The following FYN variants were observed in gnomAD, a reference collection of about 807,000 sequenced individuals.
FYN encodes the protein FYN proto-oncogene, Src family tyrosine kinase, also known as tyrosine-protein kinase Fyn.
In FYN, 10 loss-of-function variants were observed where a neutral mutation model predicts 70.2. That is an observed-to-expected ratio of 0.14 (90% CI 0.09 to 0.24). The LOEUF (loss-of-function observed/expected upper bound fraction) is 0.24. Among genes scored for constraint, FYN ranks in the 10% least tolerant of loss-of-function variants. The pLI, the probability that FYN is intolerant of heterozygous loss-of-function variation, is 1.00. For missense variants in FYN, 319 were observed against 673.1 expected (o/e 0.47, Z 5.82); for synonymous variants, 236 against 248.6 (o/e 0.95, Z 0.48).
chr6:111,840,398 G>A (rs1773321423), intron 2 of FYN, among the ~76,000 whole-genome samples: 1 of 152,180 alleles, frequency 6.6e-6, no homozygotes, highest in African/African-American at 2.4e-5. Context: ...AGACTGGAGT[G>A]ATGTGGCCAC....
chr6:111,738,096 G>A (rs1801786770), intron 3 of FYN, among the ~76,000 whole-genome samples: 1 of 152,154 alleles, frequency 6.6e-6, no homozygotes. Flanking sequence ...GCTACTGGCA[G>A]AATTTTCAGT....
chr6:111,764,161 A>T (rs992104048), intron 3 of FYN, among the ~76,000 whole-genome samples: 6 of 130,230 alleles, frequency 4.6e-5, no homozygotes, highest in African/African-American at 2.3e-4. Flanking sequence ...AATTTTCCAT[A>T]AAAAAAAATG....
chr6:111,678,973 T>TC (rs1010695677), intron 12 of FYN, among the ~76,000 whole-genome samples: 8 of 152,084 alleles, frequency 5.3e-5, no homozygotes, highest in African/African-American at 1.7e-4. Flanking sequence ...GCTCAGCATG[T>TC]CCCCCCCTGG....
intron 9 of FYN, among the ~76,000 whole-genome samples, chr6:111,698,295 G>C (rs541406213): frequency 1.3e-5 from 2 of 152,000 alleles, no homozygotes; most frequent in Non-Finnish European, 2.9e-5. Flanking sequence ...CACCATGCCC[G>C]GCTAATTTTG....
In FYN at chr6:111,845,029, C is replaced by T. The variant is rs1414322475; in HGVS notation, c.-82+1560G>A. 4 of 152,342 alleles carry T rather than the reference C, an allele frequency of 2.6e-5. No individual in the cohort carries two copies. In the East Asian group the frequency reaches 7.7e-4, roughly 29 times the overall value. The allele number at this position is 152,342 out of a possible 1,614,324, so 9.4% of individuals were successfully genotyped here. ...GAAGCAAAATTGAACACATTCCATT[C>T]AGTGCCCCCCACACCCCACTAACTG... On this transcript the variant is annotated intron_variant, in intron 2 of 13. Coordinates refer to ENST00000354650, the MANE Select transcript of FYN (RefSeq NM_002037.5).
In FYN at chr6:111,703,055, T is replaced by C. The variant is rs199617444; in HGVS notation, c.548-21A>G. On this transcript the variant is annotated intron_variant, in intron 7 of 13. Coordinates refer to ENST00000354650, the MANE Select transcript of FYN (RefSeq NM_002037.5). ...GGCACCTGGTAAACGTGGAAAGCAT[T>C]AGCAGCTCCAATCATTTAGAGTATC... The C allele has an allele frequency of 1.6e-5, 25 of 1,610,674 alleles. No homozygotes were observed. In the South Asian group the frequency reaches 2.5e-4, roughly 16 times the overall value.
At chr6:111,730,240 AAGG>A (rs1801387331) in intron 3 of FYN, among the ~76,000 whole-genome samples, 1 of 152,220 alleles carries the variant, frequency 6.6e-6, no homozygotes, top group Non-Finnish European at 1.5e-5. Flanking sequence ...ATATCTAATT[AAGG>A]GCACGAAAAA....
At chr6:111,771,935 G>A (rs959478680) in intron 3 of FYN, among the ~76,000 whole-genome samples, 1 of 152,004 alleles carries the variant, frequency 6.6e-6, no homozygotes, top group South Asian at 2.1e-4. Context: ...TAGTAGTGGG[G>A]GCAGGGATGG....
chr6:111,842,295 C>T lies in FYN; in HGVS notation c.-82+4294G>A, dbSNP rs78713217. Among the ~76,000 whole-genome samples, 1,032 of 152,234 alleles carry T rather than the reference C, an allele frequency of 6.8e-3. 19 individuals are homozygous for T. Among genetic ancestry groups the T allele is most frequent in the African/African-American group, 0.023 (964 of 41,524 alleles). On this transcript the variant is annotated intron_variant, in intron 2 of 13. Coordinates refer to ENST00000354650, the MANE Select transcript of FYN (RefSeq NM_002037.5). ...CAGGGAGGGCCTGAGGAACAATTCC[C>T]GTCTGCACATAGGAACTGCCCTGTC...
chr6:111,698,553 GTATTAA>G (rs1216613164), intron 9 of FYN, among the ~76,000 whole-genome samples: 2 of 152,140 alleles, frequency 1.3e-5, no homozygotes, highest in Admixed American at 1.3e-4. Context: ...GATTCCATAA[GTATTAA>G]TATTGTTTTA....
intron 1 of FYN, among the ~76,000 whole-genome samples, chr6:111,851,480 A>C (rs1049391650): frequency 2.0e-5 from 3 of 152,198 alleles, no homozygotes; most frequent in Non-Finnish European, 4.4e-5. Context: ...AGAGGCAACC[A>C]AAAGGGGAAG....
At chr6:111,773,649 GA>G (rs1284454887) in intron 3 of FYN, among the ~76,000 whole-genome samples, 3 of 134,290 alleles carry the variant, frequency 2.2e-5, no homozygotes, top group Admixed American at 1.5e-4. Context: ...GGGGGAGGGA[GA>G]GGGGAAGAGG....
rs1051232202 is a variant in FYN, at chr6:111,741,265, T to C, written c.-11-21203A>G. Among the ~76,000 whole-genome samples the C allele has an allele frequency of 4.6e-5, 7 of 152,148 alleles. No individual in the cohort carries two copies. In the East Asian group the frequency reaches 9.6e-4, roughly 21 times the overall value. On this transcript the variant is annotated intron_variant, in intron 3 of 13. Coordinates refer to ENST00000354650, the MANE Select transcript of FYN (RefSeq NM_002037.5). ...CTTGTTTATTATCTACCTCCACTCA[T>C]GAGAAAGAAAGCTCAATGGGAGTAG...
chr6:111,685,104 C>T (rs928684705), intron 12 of FYN, among the ~76,000 whole-genome samples: 3 of 152,198 alleles, frequency 2.0e-5, no homozygotes, highest in Non-Finnish European at 2.9e-5. Context: ...ACTTTCAATC[C>T]AGAACAAAAG....
rs144580839 is a variant in FYN, at chr6:111,828,168, C to T, written c.-82+18421G>A. Among the ~76,000 whole-genome samples the T allele has an allele frequency of 9.4e-3, 1,435 of 152,232 alleles. 14 individuals are homozygous for T. Among genetic ancestry groups the T allele is most frequent in the Middle Eastern group, 0.017 (5 of 292 alleles). On this transcript the variant is annotated intron_variant, in intron 2 of 13. Transcript: ENST00000354650. ...GAAACTTAATGGCCAAATTCCCCAG[C>T]CAGCATCCTGAGGTTTCTGGCCCCT...
chr6:111,736,189 G>T (rs761206186), intron 3 of FYN, among the ~76,000 whole-genome samples: 1 of 152,284 alleles, frequency 6.6e-6, no homozygotes, highest in South Asian at 2.1e-4. Context: ...GGTCACAGGG[G>T]ATCACCACTG....
intron 3 of FYN, among the ~76,000 whole-genome samples, chr6:111,771,451 C>G (rs564280128): frequency 6.6e-6 from 1 of 152,272 alleles, no homozygotes; most frequent in Non-Finnish European, 1.5e-5. Flanking sequence ...ATAATAACAC[C>G]TTAACCTATT....
chr6:111,750,716 C>CAT (rs1554284033), intron 3 of FYN, among the ~76,000 whole-genome samples: 2 of 119,302 alleles, frequency 1.7e-5, no homozygotes, highest in East Asian at 5.5e-4. Context: ...CAATTCATGT[C>CAT]ATTTTTTTTT....
chr6:111,744,037 C>T (rs1375680381), intron 3 of FYN, among the ~76,000 whole-genome samples: 3 of 152,210 alleles, frequency 2.0e-5, no homozygotes, highest in Non-Finnish European at 4.4e-5. Context: ...CACAGTATTA[C>T]GTATGAGCAA....
Sources: allele counts gnomAD v4.1 joint callset (sites outside exome capture counted in the v4.1 genomes callset), GRCh38; gene constraint gnomAD v4.1.1; transcripts MANE v1.5; gene names NCBI Gene and HGNC (gene_info 2026-07-23, HGNC 2026-07-21).